Variants in PTN observed in about 807,000 individuals in gnomAD.
The protein encoded by PTN is heparin affin regulatory protein.
PTN carries 18 observed loss-of-function variants against 24.1 expected under a neutral mutation model. That is an observed-to-expected ratio of 0.75 (90% CI 0.52 to 1.11). The LOEUF (loss-of-function observed/expected upper bound fraction) is 1.11, where lower values mean the gene tolerates loss of function less well. Ranked by LOEUF, PTN falls within the 50% of genes least tolerant of loss-of-function variation. The pLI is 0.00. For missense variants in PTN, 163 were observed against 198.8 expected, an observed-to-expected ratio of 0.82 and a Z score of 1.08; for synonymous variants, 78 against 68.6, an observed-to-expected ratio of 1.14 and a Z score of -0.67.
At chr7:137,283,230 G>A (rs1295809693) in intron 1 of PTN, among the ~76,000 whole-genome samples, 2 of 152,136 alleles carry the variant, frequency 1.3e-5, no homozygotes, top group African/African-American at 4.8e-5. Flanking sequence ...GGTTCCATAC[G>A]AGGAACAAAA....
chr7:137,342,540 TGTG>T (rs1810551683), intron 1 of PTN, among the ~76,000 whole-genome samples: 1 of 151,772 alleles, frequency 6.6e-6, no homozygotes, highest in East Asian at 1.9e-4. Flanking sequence ...TGTGTGTGTG[TGTG>T]TGTGTTGTGT....
chr7:137,253,286 C>T (rs1159436384), intron 3 of PTN, among the ~76,000 whole-genome samples, 178 bp downstream of exon 3: 1 of 152,168 alleles, frequency 6.6e-6, no homozygotes, highest in Non-Finnish European at 1.5e-5. Context: ...CTAAAATGCA[C>T]AAGACAGCCT....
At chr7:137,287,943 A>G (rs557660604) in intron 1 of PTN, among the ~76,000 whole-genome samples, 1 of 152,270 alleles carries the variant, frequency 6.6e-6, no homozygotes, top group South Asian at 2.1e-4. Flanking sequence ...CCCCTAGAAA[A>G]CCAACCAGAA....
intron 1 of PTN, among the ~76,000 whole-genome samples, chr7:137,305,655 G>C (rs1809875720): frequency 6.6e-6 from 1 of 151,934 alleles, no homozygotes; most frequent in Non-Finnish European, 1.5e-5. Flanking sequence ...TTCTAGGACT[G>C]TCAGATTTCA....
At chr7:137,324,395 C>T (rs1473302445) in intron 1 of PTN, among the ~76,000 whole-genome samples, 20 of 124,384 alleles carry the variant, frequency 1.6e-4, no homozygotes, top group Non-Finnish European at 2.3e-4. Context: ...CCAGCCTGGG[C>T]AGCACAGCGA....
chr7:137,288,883 G>A (rs904088431), intron 1 of PTN, among the ~76,000 whole-genome samples: 3 of 152,072 alleles, frequency 2.0e-5, no homozygotes, highest in Non-Finnish European at 2.9e-5. Flanking sequence ...ATTTTAAAAC[G>A]CCAAGAGAAT....
intron 1 of PTN, among the ~76,000 whole-genome samples, chr7:137,307,653 C>T (rs1321359775): frequency 2.0e-5 from 3 of 152,036 alleles, no homozygotes; most frequent in Non-Finnish European, 2.9e-5. Flanking sequence ...TATGTATACA[C>T]ATATATATAT....
intron 1 of PTN, among the ~76,000 whole-genome samples, chr7:137,277,626 G>T (rs1286706421): frequency 6.6e-6 from 1 of 152,158 alleles, no homozygotes; most frequent in East Asian, 1.9e-4. Context: ...ATGGAGTGCA[G>T]TGGCGTGATC....
chr7:137,336,284 C>T (rs1208098438), intron 1 of PTN, among the ~76,000 whole-genome samples: 2 of 152,128 alleles, frequency 1.3e-5, no homozygotes, highest in African/African-American at 4.8e-5. Context: ...AGTGGCACAT[C>T]CAGCAGCCCA....
chr7:137,329,907 T>C (rs947430262), intron 1 of PTN, among the ~76,000 whole-genome samples: 17 of 152,132 alleles, frequency 1.1e-4, no homozygotes, highest in African/African-American at 4.1e-4. Flanking sequence ...AACTCAAAAT[T>C]AATATAGTGA....
chr7:137,267,799 T>C (rs1809183861), intron 1 of PTN, among the ~76,000 whole-genome samples: 1 of 151,546 alleles, frequency 6.6e-6, no homozygotes, highest in Admixed American at 6.6e-5. Flanking sequence ...AAAATCGGAG[T>C]ATCAGGAAAT....
intron 1 of PTN, among the ~76,000 whole-genome samples, chr7:137,287,079 T>A (rs1809567510): frequency 6.6e-6 from 1 of 152,208 alleles, no homozygotes; most frequent in Non-Finnish European, 1.5e-5. Context: ...CTCATTCGTG[T>A]TTCATGAACG....
At chr7:137,304,063 A>T (rs543347094) in intron 1 of PTN, among the ~76,000 whole-genome samples, 1 of 152,182 alleles carries the variant, frequency 6.6e-6, no homozygotes. Context: ...CCTTGGGAAG[A>T]TATGCAGCGT....
intron 1 of PTN, among the ~76,000 whole-genome samples, chr7:137,319,049 A>G (rs1344186565): frequency 6.6e-6 from 1 of 151,604 alleles, no homozygotes; most frequent in Non-Finnish European, 1.5e-5. Flanking sequence ...TTTGTCCACC[A>G]CTCTCTACTT....
At chr7:137,258,071 A>G (rs1304936981) in intron 1 of PTN, among the ~76,000 whole-genome samples, 1 of 152,192 alleles carries the variant, frequency 6.6e-6, no homozygotes, top group Non-Finnish European at 1.5e-5. Flanking sequence ...TTATATTGTT[A>G]AACTCTTGTT....
chr7:137,274,850 A>G (rs1162984727), intron 1 of PTN, among the ~76,000 whole-genome samples: 3 of 152,258 alleles, frequency 2.0e-5, no homozygotes, highest in African/African-American at 7.2e-5. Flanking sequence ...ATCGTAAGGC[A>G]TAAGAGGCCT....
chr7:137,287,439 A>T (rs368917676), intron 1 of PTN, among the ~76,000 whole-genome samples: 1 of 151,240 alleles, frequency 6.6e-6, no homozygotes, highest in Non-Finnish European at 1.5e-5. Context: ...GAAATAAGTA[A>T]GACAAAATAT....
At chr7:137,280,725 A>AAAAAAAAAAAAAAAAAAAAAT (rs71176392) in intron 1 of PTN, among the ~76,000 whole-genome samples, 1 of 138,396 alleles carries the variant, frequency 7.2e-6, no homozygotes, top group Non-Finnish European at 1.6e-5. Context: ...AAAAAAAAAA[A>AAAAAAAAAAAAAAAAAAAAAT]GCTGAGTGTG....
chr7:137,269,872 C>T (rs1042097339), intron 1 of PTN, among the ~76,000 whole-genome samples: 5 of 152,014 alleles, frequency 3.3e-5, no homozygotes, highest in African/African-American at 1.2e-4. Context: ...ACCTCGTGAG[C>T]CTCCCACCTC....
Sources: gnomAD v4.1 joint callset for allele counts (sites outside exome capture counted in the v4.1 genomes callset) on GRCh38, gnomAD v4.1.1 for gene constraint, MANE v1.5 for transcripts, NCBI Gene and HGNC (gene_info 2026-07-23, HGNC 2026-07-21) for gene names.